TRIM44: variants seen among roughly 807,000 people sequenced by gnomAD.
TRIM44 encodes the protein tripartite motif-containing protein 44.
TRIM44 carries 13 observed loss-of-function variants against 37.4 expected under a neutral mutation model. The ratio of observed to expected loss-of-function variants is 0.35; its 90% confidence interval spans 0.23 to 0.55. The LOEUF is 0.55. Ranked by LOEUF, TRIM44 falls within the 20% of genes least tolerant of loss-of-function variation. The probability of loss-of-function intolerance (pLI) is 0.89; values close to 1 mark genes in which losing one functional copy is unlikely to be tolerated. For missense variants in TRIM44, 426 were observed against 437.2 expected (o/e 0.97, Z 0.23); for synonymous variants, 175 against 157.2 (o/e 1.11, Z -0.85).
Position 35,806,508 on chromosome 11 carries a change from C to T in TRIM44, c.*123C>T. The T allele has an allele frequency of 9.6e-7, 1 of 1,043,950 alleles. No individual in the cohort carries two copies. The highest frequency in any genetic ancestry group is 1.5e-6 in the Non-Finnish European group (1 of 673,046). 64.7% of individuals were successfully genotyped at this position (1,043,950 alleles called of 1,614,324 possible). A position where few individuals can be genotyped will look rare whatever the true frequency, so the allele number is the denominator to read the frequency against. ...ACAAACGTACTTCCACCAGATGTGT[C>T]CCCAGATCCACAGCAGGCACATATC... On this transcript the variant is annotated 3_prime_UTR_variant, in exon 5 of 5. Coordinates refer to ENST00000299413, the MANE Select transcript of TRIM44 (RefSeq NM_017583.6).
chr11:35,692,700 G>A lies in TRIM44; in HGVS notation c.747+7364G>A, dbSNP rs578240892. 1.2e-3 allele frequency among the ~76,000 whole-genome samples: 177 copies of A among 152,238 alleles called. No individual in the cohort carries two copies. The South Asian group carries it at 0.015, about 13-fold the overall frequency. On this transcript the variant is annotated intron_variant, in intron 2 of 4. Transcript: ENST00000299413. ...AACACTTTGGGAGGCCAAGGCAGGC[G>A]GATCATGAGGTCAGGAGATCGGGAC...
intron 1 of TRIM44, among the ~76,000 whole-genome samples, chr11:35,674,438 C>A (rs998898906): frequency 6.6e-6 from 1 of 152,068 alleles, no homozygotes; most frequent in Admixed American, 6.5e-5. Context: ...AGGCTCAATC[C>A]ACAATTTACG....
intron 2 of TRIM44, among the ~76,000 whole-genome samples, chr11:35,724,057 A>G (rs1852139122): frequency 6.6e-6 from 1 of 152,218 alleles, no homozygotes; most frequent in African/African-American, 2.4e-5. Flanking sequence ...AGCACCAAGG[A>G]GAGCACCTGC....
Position 35,662,958 on chromosome 11 carries a change from C to G in TRIM44, c.-154C>G. The stretch of plus-strand genomic sequence containing the variant: ...GCTGCTGCGCCCGGGCAGGGGCTGC[C>G]GCGGCCCCAGGTCCCGCTTCGAGAC... On this transcript the variant is annotated 5_prime_UTR_variant, in exon 1 of 5. Transcript: ENST00000299413. 3.9e-6 allele frequency: 5 copies of G among 1,297,612 alleles called. No individual in the cohort carries two copies. The highest frequency in any genetic ancestry group is 4.0e-6 in the Non-Finnish European group (4 of 1,005,310). The allele number at this position is 1,297,612 out of a possible 1,614,324, so 80.4% of individuals were successfully genotyped here. A position where few individuals can be genotyped will look rare whatever the true frequency, so the allele number is the denominator to read the frequency against.
chr11:35,726,366 C>T (rs1214678257), intron 3 of TRIM44, among the ~76,000 whole-genome samples: 1 of 152,134 alleles, frequency 6.6e-6, no homozygotes, highest in Non-Finnish European at 1.5e-5. Flanking sequence ...ATTTATCCAT[C>T]ATTACTTTAA....
chr11:35,775,396 A>G (rs899081194), intron 4 of TRIM44, among the ~76,000 whole-genome samples: 10 of 152,230 alleles, frequency 6.6e-5, no homozygotes, highest in Non-Finnish European at 1.3e-4. Context: ...TTCTAAATAT[A>G]CAATCATATT....
chr11:35,781,097 G>A lies in TRIM44; in HGVS notation c.1008-25261G>A, dbSNP rs1047103953. Among the ~76,000 whole-genome samples the A allele has an allele frequency of 2.6e-5, 4 of 152,304 alleles. No homozygotes were observed. In the East Asian group the frequency reaches 5.8e-4, roughly 22 times the overall value. ...GAGAAGAAGCTACTATAGCTACAAT[G>A]TGGAAAGTGTTCAAAGGGCCAAGGA... On this transcript the variant is annotated intron_variant, in intron 4 of 4. Transcript: ENST00000299413.
intron 2 of TRIM44, among the ~76,000 whole-genome samples, chr11:35,722,053 A>G (rs1263345458): frequency 6.6e-6 from 1 of 152,192 alleles, no homozygotes; most frequent in African/African-American, 2.4e-5. Flanking sequence ...TCCCAACTTG[A>G]AGTTTCCATA....
intron 4 of TRIM44, among the ~76,000 whole-genome samples, chr11:35,758,071 G>A (rs938248014): frequency 3.9e-5 from 6 of 152,132 alleles, no homozygotes; most frequent in Non-Finnish European, 7.4e-5. Flanking sequence ...TTTCTGTCTC[G>A]TTGATCTGTC....
chr11:35,690,417 A>G (rs11033240), intron 2 of TRIM44, among the ~76,000 whole-genome samples: 2,309 of 152,360 alleles, frequency 0.015, 118 homozygotes, highest in East Asian at 0.14. Flanking sequence ...AGTGATGAAT[A>G]TAAGCAAAAC....
At chr11:35,716,992 G>A (rs1302196282) in intron 2 of TRIM44, among the ~76,000 whole-genome samples, 9 of 152,140 alleles carry the variant, frequency 5.9e-5, no homozygotes, top group Admixed American at 5.2e-4. Flanking sequence ...AATATGTGGG[G>A]CACTGAAAAA....
At position 35,706,902 on chromosome 11, in the gene TRIM44, G is replaced by A. The variant is rs1851892985; in HGVS notation, c.748-19022G>A. On this transcript the variant is annotated intron_variant, in intron 2 of 4. Transcript: ENST00000299413. ...ACTCCTATTCAACATAGTGTTGGAA[G>A]TTCTGGCCAGGGCAATTAGGCAGGA... Among the ~76,000 whole-genome samples, 2 of 150,036 alleles carry A rather than the reference G, an allele frequency of 1.3e-5. 1 individual carries two copies. The highest frequency in any genetic ancestry group is 7.0e-3 in the Middle Eastern group (2 of 286).
chr11:35,779,317 TGTCCCGA>T lies in TRIM44; in HGVS notation c.1008-27040_1008-27034del, dbSNP rs1853026556. Among the ~76,000 whole-genome samples the T allele has an allele frequency of 3.9e-5, 6 of 152,292 alleles. No homozygotes were observed. In the South Asian group the frequency reaches 1.0e-3, roughly 26 times the overall value. ...GAAAAGCGCAGTATTAGGGTGCAAGTGTCCCGATTTTCCAGGTACCATCTGTCATGTC... is the reference window on the plus strand; with the variant it reads ...GAAAAGCGCAGTATTAGGGTGCAAGTTTTTCCAGGTACCATCTGTCATGTC... On this transcript the variant is annotated intron_variant, in intron 4 of 4. Transcript: ENST00000299413.
chr11:35,760,318 T>C (rs1852706291), intron 4 of TRIM44, among the ~76,000 whole-genome samples: 1 of 152,250 alleles, frequency 6.6e-6, no homozygotes, highest in South Asian at 2.1e-4. Flanking sequence ...AATCTCCTGT[T>C]GTGCCATTTG....
chr11:35,778,929 C>G (rs904770995), intron 4 of TRIM44, among the ~76,000 whole-genome samples: 10 of 152,322 alleles, frequency 6.6e-5, no homozygotes, highest in Admixed American at 6.5e-4. Context: ...TGTCCATTCT[C>G]AGATCTCAAA....
At chr11:35,800,423 C>T (rs1853350384) in intron 4 of TRIM44, among the ~76,000 whole-genome samples, 1 of 152,236 alleles carries the variant, frequency 6.6e-6, no homozygotes, top group Non-Finnish European at 1.5e-5. Context: ...GTTGTGCTTA[C>T]AGTCCTTTAG....
intron 1 of TRIM44, among the ~76,000 whole-genome samples, chr11:35,680,457 A>T (rs550240725): frequency 8.7e-5 from 13 of 149,918 alleles, no homozygotes; most frequent in African/African-American, 2.7e-4. Context: ...TTTTTTTTTT[A>T]AATTCAACAA....
chr11:35,683,654 A>G (rs1054480549), intron 1 of TRIM44, among the ~76,000 whole-genome samples: 1 of 152,004 alleles, frequency 6.6e-6, no homozygotes, highest in African/African-American at 2.4e-5. Context: ...CCTTTCCCTC[A>G]TTGGTGAAAT....
intron 4 of TRIM44, among the ~76,000 whole-genome samples, chr11:35,805,477 G>T (rs999137796): frequency 1.3e-5 from 2 of 152,184 alleles, no homozygotes; most frequent in Non-Finnish European, 2.9e-5. Context: ...TGAGGTACTA[G>T]CCATGCCTGA....
Sources: gnomAD v4.1 joint callset for allele counts (sites outside exome capture counted in the v4.1 genomes callset) on GRCh38, gnomAD v4.1.1 for gene constraint, MANE v1.5 for transcripts, NCBI Gene and HGNC (gene_info 2026-07-23, HGNC 2026-07-21) for gene names.